Variants in ZEB2 observed in about 807,000 individuals in gnomAD.
ZEB2 encodes zinc finger E-box-binding homeobox 2.
A neutral mutation model predicts 99.9 loss-of-function variants in ZEB2; 6 were observed. The ratio of observed to expected loss-of-function variants is 0.06; its 90% confidence interval spans 0.03 to 0.12. ZEB2 has a LOEUF of 0.12. Ranked by LOEUF, ZEB2 falls within the 10% of genes least tolerant of loss-of-function variation. ZEB2 has a pLI of 1.00. For synonymous variants in ZEB2, 517 were observed against 542.5 expected, an observed-to-expected ratio of 0.95 and a Z score of 0.65; for missense variants, 969 against 1,502.8, an observed-to-expected ratio of 0.64 and a Z score of 5.87.
intron 2 of ZEB2, among the ~76,000 whole-genome samples, chr2:144,494,044 C>A (rs1045771531): frequency 6.8e-6 from 1 of 146,228 alleles, no homozygotes; most frequent in East Asian, 2.1e-4. Flanking sequence ...CCCAGCTACT[C>A]GGGAGGCTGA....
intron 2 of ZEB2, among the ~76,000 whole-genome samples, chr2:144,441,606 CAA>C (rs1444528363): frequency 1.4e-5 from 2 of 147,500 alleles, no homozygotes; most frequent in Non-Finnish European, 3.0e-5. Context: ...ATTCCTCAAA[CAA>C]AGAGACCACT....
intron 2 of ZEB2, among the ~76,000 whole-genome samples, chr2:144,443,431 T>C (rs1703940800): frequency 6.6e-6 from 1 of 152,216 alleles, no homozygotes; most frequent in African/African-American, 2.4e-5. Flanking sequence ...TAAATCTATA[T>C]GCAGTATTGC....
intron 9 of ZEB2, among the ~76,000 whole-genome samples, chr2:144,395,174 T>C (rs987858043): frequency 1.3e-5 from 2 of 151,790 alleles, no homozygotes; most frequent in African/African-American, 4.8e-5. Context: ...TTTTAAAAAA[T>C]ATTTTGTAGA....
At position 144,399,323 on chromosome 2, in the gene ZEB2, G is replaced by C; in HGVS notation, c.1864C>G (p.Pro622Ala). Reference sequence around the variant, plus strand: ...TCAACAAAAACTCCGGCTTTGTTGGGGACTATGTTTTCATGAGGCTGCAGG... The same window carrying C: ...TCAACAAAAACTCCGGCTTTGTTGGCGACTATGTTTTCATGAGGCTGCAGG... ...AVLQPHENIV[P>A]NKAGVFVDNK... Residue 622 changes from proline (P) to alanine (A), a missense_variant, in exon 8 of 10, where the codon CCC becomes GCC. Pro to Ala is a conservative substitution (Grantham distance 27). Transcript: ENST00000627532. The surrounding 1 kb of genome is among the most constrained non-coding windows in gnomAD (Gnocchi z 5.6). 1 of 1,614,102 alleles carries C rather than the reference G, an allele frequency of 6.2e-7. No homozygotes were observed. Among genetic ancestry groups the C allele is most frequent in the East Asian group, 2.2e-5 (1 of 44,882 alleles).
intron 4 of ZEB2, chr2:144,424,199 A>G (rs1472870058): frequency 5.7e-6 from 2 of 348,338 alleles, no homozygotes; most frequent in Admixed American, 4.1e-5. Flanking sequence ...GTATCTTCCC[A>G]CTGTAATTTT....
intron 2 of ZEB2, among the ~76,000 whole-genome samples, chr2:144,446,447 A>G (rs1438970930): frequency 6.6e-6 from 1 of 151,818 alleles, no homozygotes; most frequent in African/African-American, 2.4e-5. Flanking sequence ...TCAGCCTAGT[A>G]AGTGAGCAAT....
chr2:144,494,733 T>C (rs1345378525), intron 2 of ZEB2: 1 of 152,202 alleles, frequency 6.6e-6, no homozygotes, highest in Non-Finnish European at 1.5e-5. Context: ...TGTCATTTTT[T>C]TTCTCCAAAT....
intron 4 of ZEB2, among the ~76,000 whole-genome samples, chr2:144,418,142 C>T (rs1393920549): frequency 4.6e-5 from 7 of 152,120 alleles, no homozygotes; most frequent in Admixed American, 1.3e-4. Flanking sequence ...AGATATAAAA[C>T]GAAACTAGTT....
chr2:144,431,833 G>C (rs752367812), intron 2 of ZEB2, among the ~76,000 whole-genome samples: 1 of 146,028 alleles, frequency 6.8e-6, no homozygotes, highest in Non-Finnish European at 1.5e-5. Flanking sequence ...CTGGGGGTAG[G>C]GGGGAGTGGG....
At position 144,399,483 on chromosome 2, in the gene ZEB2, A is replaced by G. The variant is rs774644295; in HGVS notation, c.1704T>C (p.Asp568=). 1 of 1,614,182 alleles carries G rather than the reference A, an allele frequency of 6.2e-7. No homozygotes were observed. The highest frequency in any genetic ancestry group is 1.7e-5 in the Admixed American group (1 of 60,026). Residue 568 remains aspartate, a synonymous_variant, in exon 8 of 10, where the codon GAT becomes GAC. Coordinates refer to ENST00000627532, the MANE Select transcript of ZEB2 (RefSeq NM_014795.4). This position sits in a 1 kb window ranked among gnomAD's most constrained non-coding sequence, Gnocchi z 5.6. The part of the protein sequence containing the change: ...KLRTLIDLVT[D]DKMIENHNIS... ...TGTTGTGGTTCTCAATCATTTTGTCATCAGTGACCAAATCTATTAAAGTAC... is the reference window on the plus strand; with the variant it reads ...TGTTGTGGTTCTCAATCATTTTGTCGTCAGTGACCAAATCTATTAAAGTAC...
intron 2 of ZEB2, among the ~76,000 whole-genome samples, chr2:144,466,201 A>T (rs923677053): frequency 6.6e-6 from 1 of 152,202 alleles, no homozygotes; most frequent in African/African-American, 2.4e-5. Context: ...TAGGGGGGAA[A>T]AGTCTGTTAA....
At chr2:144,441,017 C>G (rs1703908917) in intron 2 of ZEB2, among the ~76,000 whole-genome samples, 1 of 148,812 alleles carries the variant, frequency 6.7e-6, no homozygotes, top group Admixed American at 6.8e-5. Context: ...CAAGTGTCCT[C>G]AAGCAGGGCG....
chr2:144,516,974 G>A (rs902496424), intron 2 of ZEB2, among the ~76,000 whole-genome samples: 3 of 150,614 alleles, frequency 2.0e-5, no homozygotes, highest in African/African-American at 7.3e-5. Context: ...AGGCGGAGGC[G>A]GAGGGAGGGC....
At chr2:144,430,076 T>A in intron 2 of ZEB2, 50 bp from the exon 3 acceptor site, 2 of 1,605,916 alleles carry the variant, frequency 1.2e-6, no homozygotes. Flanking sequence ...TTGAGAAACA[T>A]CAGCCACCCC....
chr2:144,396,346 C>G (rs1214183750), intron 9 of ZEB2, 66 bp downstream of exon 9: 1 of 1,567,654 alleles, frequency 6.4e-7, no homozygotes, highest in Non-Finnish European at 8.8e-7. Flanking sequence ...CAAGTGTGCT[C>G]ATTAAATATT....
intron 2 of ZEB2, among the ~76,000 whole-genome samples, chr2:144,483,117 GACACACACACACACACACACACAC>G (rs70985858): frequency 1.5e-5 from 2 of 130,680 alleles, no homozygotes; most frequent in Non-Finnish European, 3.2e-5. Flanking sequence ...GTTTAGGTAA[GACACACACACACACACACACACAC>G]ACACACACAC....
At chr2:144,445,685 CAAAATGACA>C (rs11280070) in intron 2 of ZEB2, among the ~76,000 whole-genome samples, 22,624 of 151,986 alleles carry the variant, frequency 0.15, 1,930 homozygotes, top group African/African-American at 0.24. Flanking sequence ...CAACCACACA[CAAAATGACA>C]GAAATGCACC....
chr2:144,517,189 C>T (rs1415317469), intron 2 of ZEB2, 89 bp downstream of exon 2: 2 of 1,572,630 alleles, frequency 1.3e-6, no homozygotes, highest in East Asian at 2.3e-5. Context: ...GCCGCCGCCG[C>T]CTCGGTTCCT....
chr2:144,476,619 C>A (rs1456061195), intron 2 of ZEB2, among the ~76,000 whole-genome samples: 1 of 152,164 alleles, frequency 6.6e-6, no homozygotes, highest in Non-Finnish European at 1.5e-5. Flanking sequence ...GAGATTGGAA[C>A]AGGAAGAAAC....
Sources: gnomAD v4.1 joint callset for allele counts (sites outside exome capture counted in the v4.1 genomes callset) on GRCh38, gnomAD v4.1.1 for gene constraint, Gnocchi (gnomAD v3.1) non-coding constraint, MANE v1.5 for transcripts, NCBI Gene and HGNC (gene_info 2026-07-23, HGNC 2026-07-21) for gene names.